The following PCK1 variants were observed in gnomAD, a reference collection of about 807,000 sequenced individuals.
The protein encoded by PCK1 is phosphoenolpyruvate carboxykinase 1, also known as phosphoenolpyruvate carboxykinase, cytosolic [GTP].
PCK1 carries 44 observed loss-of-function variants against 50.3 expected under a neutral mutation model. The observed-to-expected ratio is 0.87, with a 90% CI of 0.69 to 1.12. The LOEUF (loss-of-function observed/expected upper bound fraction) is 1.12. PCK1 is among the 50% of genes most tolerant of loss of function. PCK1 has a pLI of 0.00. For missense variants in PCK1, 790 were observed against 815.0 expected, an observed-to-expected ratio of 0.97 and a Z score of 0.37; for synonymous variants, 332 against 314.3, an observed-to-expected ratio of 1.06 and a Z score of -0.59.
intron 3 of PCK1, 177 bp downstream of exon 3, chr20:57,562,429 C>T: frequency 1.5e-6 from 1 of 648,822 alleles, no homozygotes; most frequent in South Asian, 2.0e-5. Flanking sequence ...CTTTTACAGA[C>T]TGTCTTATAC....
intron 9 of PCK1, 47 bp downstream of exon 9, chr20:57,565,182 C>A (rs1236315070): frequency 2.2e-6 from 3 of 1,367,108 alleles, no homozygotes; most frequent in East Asian, 2.3e-5. Context: ...GGGATTAGAG[C>A]ACTCTTCGTC....
chr20:57,567,565 G>A lies in PCK1; in HGVS notation c.*1761G>A, dbSNP rs1047775347. On this transcript the variant is annotated 3_prime_UTR_variant, in exon 10 of 10. Transcript: ENST00000319441. ...CAAACTTGTTTCTCCTTTTCACTGC[G>A]GAACACGTTCTTGACATGTACTTGA... The A allele has an allele frequency of 2.6e-5, 4 of 152,170 alleles. No individual in the cohort carries two copies. The highest frequency in any genetic ancestry group is 2.1e-4 in the South Asian group (1 of 4,826). 9.4% of individuals were successfully genotyped at this position (152,170 alleles called of 1,614,324 possible). A position where few individuals can be genotyped will look rare whatever the true frequency, so the allele number is the denominator to read the frequency against.
At chr20:57,563,259 G>C (rs756235410) in intron 5 of PCK1, 44 bp downstream of exon 5, 2 of 1,572,822 alleles carry the variant, frequency 1.3e-6, no homozygotes, top group Admixed American at 1.7e-5. Flanking sequence ...GAGGCCTGGG[G>C]GGTGGCAGAA....
At position 57,564,391 on chromosome 20, in the gene PCK1, A is replaced by G. The variant is rs750586126; in HGVS notation, c.1184A>G (p.Asp395Gly). 14 of 1,613,862 alleles carry G rather than the reference A, an allele frequency of 8.7e-6. No individual in the cohort carries two copies. In the Admixed American group the frequency reaches 2.2e-4, roughly 25 times the overall value. Reference protein sequence around the residue: ...SWKNKEWSSEDGEPCAHPNSR... With the variant: ...SWKNKEWSSEGGEPCAHPNSR... ...AAGAATAAGGAGTGGAGCTCAGAGG[A>G]TGGTGTGTCCCTGCCAGAGGCCTTG... Residue 395 changes from aspartate (D) to glycine (G), a missense_variant and splice_region_variant, in exon 7 of 10, where the codon GAT becomes GGT. Transcript: ENST00000319441.
intron 4 of PCK1, 32 bp from the exon 5 acceptor site, chr20:57,562,996 C>A (rs764729698): frequency 5.0e-6 from 8 of 1,595,026 alleles, no homozygotes; most frequent in African/African-American, 1.3e-5. Flanking sequence ...AGGGCCCTGG[C>A]GCACTGACTT....
chr20:57,562,605 C>A, intron 3 of PCK1, 91 bp from the exon 4 acceptor site: 1 of 1,073,734 alleles, frequency 9.3e-7, no homozygotes, highest in Non-Finnish European at 1.4e-6. Flanking sequence ...AGTGGAACAC[C>A]GTGAAAATGG....
rs143282113 is a variant in PCK1 at position 57,561,208 on chromosome 20, G to C, written c.-41+5G>C. 1.6e-4 allele frequency: 80 copies of C among 513,474 alleles called. No individual in the cohort carries two copies. Among genetic ancestry groups the C allele is most frequent in the African/African-American group, 1.3e-3 (68 of 52,462 alleles). 31.8% of individuals were successfully genotyped at this position (513,474 alleles called of 1,614,324 possible). ...GATCATCCAAAGAGAAGAAAGGTAA[G>C]TAGAGCTTTGCATTTACATTTTGAA... On this transcript the variant is annotated splice_donor_5th_base_variant and intron_variant, in intron 1 of 9. Coordinates refer to ENST00000319441, the MANE Select transcript of PCK1 (RefSeq NM_002591.4).
intron 3 of PCK1, 28 bp from the exon 4 acceptor site, chr20:57,562,668 A>G: frequency 6.3e-7 from 1 of 1,593,858 alleles, no homozygotes; most frequent in Non-Finnish European, 8.6e-7. Flanking sequence ...GTCATTTCTC[A>G]CCAGTGCCCA....
chr20:57,561,312 A>G (rs1217082558), intron 1 of PCK1, 60 bp from the exon 2 acceptor site: 13 of 736,518 alleles, frequency 1.8e-5, no homozygotes, highest in Non-Finnish European at 2.8e-5. Flanking sequence ...AAGGCCGTCG[A>G]ATGTGTTTGA....
chr20:57,564,697 C>A, intron 8 of PCK1, 84 bp downstream of exon 8: 1 of 1,275,538 alleles, frequency 7.8e-7, no homozygotes, highest in Non-Finnish European at 1.1e-6. Flanking sequence ...TTTCCATGAC[C>A]TTGTCAGAGG....
At position 57,562,217 on chromosome 20, in the gene PCK1, A is replaced by C. The variant is rs1390250073; in HGVS notation, c.371A>C (p.Lys124Thr). ...GRWMSEEDFE[K>T]AFNARFPGCM... The stretch of plus-strand genomic sequence containing the variant: ...TGGATGTCAGAGGAGGATTTTGAGA[A>C]AGCGTTCAATGCCAGGTTCCCAGGG... Residue 124 changes from lysine to threonine, a missense_variant, in exon 3 of 10, where the codon AAA (lysine) becomes ACA (threonine). Lys to Thr is a moderately conservative substitution (Grantham distance 78). Transcript: ENST00000319441. 6.2e-7 allele frequency: 1 copy of C among 1,614,042 alleles called. No individual in the cohort carries two copies. The highest frequency in any genetic ancestry group is 8.5e-7 in the Non-Finnish European group (1 of 1,180,028).
rs753186348 is a variant in PCK1 at position 57,562,901 on chromosome 20, T to A, written c.610+2T>A. 3.7e-6 allele frequency: 6 copies of A among 1,604,050 alleles called. No homozygotes were observed. The Admixed American group carries it at 1.0e-4, about 27-fold the overall frequency. On this transcript the variant is annotated splice_donor_variant, in intron 4 of 9. Transcript: ENST00000319441. LOFTEE classifies it high-confidence loss of function. ...TGGGGTGCCCTCTGCCTTTACAAAG[T>A]AAGTGTATTATTTCAGAATCAAAAG...
chr20:57,564,137 C>T, intron 6 of PCK1, 32 bp from the exon 7 acceptor site: 1 of 1,434,256 alleles, frequency 7.0e-7, no homozygotes, highest in Non-Finnish European at 9.8e-7. Flanking sequence ...GCCTGGCACT[C>T]ACTACTGCTT....
Position 57,565,673 on chromosome 20 carries a change from A to C in PCK1, c.1738A>C (p.Ile580Leu). The C allele has an allele frequency of 6.2e-7, 1 of 1,613,970 alleles. No homozygotes were observed. Residue 580 changes from isoleucine to leucine, a missense_variant, in exon 10 of 10, where the codon ATC becomes CTC. Transcript: ENST00000319441. ...GHINMMELFS[I>L]SKEFWEKEVE... ...CATCAACATGATGGAGCTTTTCAGCATCTCCAAGGAATTCTGGGAGAAGGA... is the reference window on the plus strand; with the variant it reads ...CATCAACATGATGGAGCTTTTCAGCCTCTCCAAGGAATTCTGGGAGAAGGA...
chr20:57,562,495 T>C (rs1459088057), intron 3 of PCK1: 2 of 625,888 alleles, frequency 3.2e-6, no homozygotes, highest in South Asian at 4.0e-5. Flanking sequence ...TGGGACCCAA[T>C]TGCACATTTA....
chr20:57,563,314 C>A, intron 5 of PCK1, 99 bp downstream of exon 5: 1 of 1,140,710 alleles, frequency 8.8e-7, no homozygotes. Flanking sequence ...CCTCTCTGAG[C>A]GTGCAGGTTC....
Position 57,565,394 on chromosome 20 carries a change from G to A in PCK1, c.1459G>A (p.Gly487Ser). The change falls in exon 10 of 10, where the codon GGC becomes AGC. Residue 487 changes from glycine to serine, a missense_variant. Physicochemically the swap from Gly to Ser is moderately conservative, Grantham distance 56. Transcript: ENST00000319441. ...HDPFAMRPFFGYNFGKYLAHW... is the reference protein window; with the variant it reads ...HDPFAMRPFFSYNFGKYLAHW... ...CCCCTTTGCCATGCGGCCCTTCTTTGGCTACAACTTCGGCAAATACCTGGC... is the reference window on the plus strand; with the variant it reads ...CCCCTTTGCCATGCGGCCCTTCTTTAGCTACAACTTCGGCAAATACCTGGC... The A allele has an allele frequency of 1.9e-6, 3 of 1,614,206 alleles. No individual in the cohort carries two copies. Among genetic ancestry groups the A allele is most frequent in the Non-Finnish European group, 2.5e-6 (3 of 1,180,022 alleles).
rs749825944 is a variant in PCK1, at chr20:57,563,574, A to G, written c.808A>G (p.Ile270Val). 1 of 1,605,066 alleles carries G rather than the reference A, an allele frequency of 6.2e-7. No individual in the cohort carries two copies. The highest frequency in any genetic ancestry group is 8.5e-7 in the Non-Finnish European group (1 of 1,173,762). Residue 270 changes from isoleucine (I) to valine (V), a missense_variant, in exon 6 of 10, where the codon ATA (isoleucine) becomes GTA (valine). By Grantham distance (29) the Ile-to-Val change is conservative. Transcript: ENST00000319441. ...WLAEHMLILGITNPEGEKKYL... is the reference protein window; with the variant it reads ...WLAEHMLILGVTNPEGEKKYL... ...ATCTTGTCCCCAACAGATTCTGGGT[A>G]TAACCAACCCTGAGGGTGAGAAGAA...
Position 57,564,245 on chromosome 20 carries a change from T to C in PCK1, c.1038T>C (p.Asn346=). 2 of 1,614,074 alleles carry C rather than the reference T, an allele frequency of 1.2e-6. No homozygotes were observed. Among genetic ancestry groups the C allele is most frequent in the South Asian group, 2.2e-5 (2 of 91,068 alleles). Residue 346 remains asparagine (N), a synonymous_variant, in exon 7 of 10, where the codon AAT becomes AAC. Transcript: ENST00000319441. ...APGTSVKTNP[N]AIKTIQKNTI... is the part of the protein sequence containing the mutation. ...GGACTTCAGTGAAGACCAACCCCAA[T>C]GCCATCAAGACCATCCAGAAGAACA...
Sources: allele counts gnomAD v4.1 joint callset, GRCh38; gene constraint gnomAD v4.1.1; transcripts MANE v1.5; gene names NCBI Gene and HGNC (gene_info 2026-07-23, HGNC 2026-07-21).